Variants in TNK2 observed in about 807,000 individuals in gnomAD.
TNK2 encodes the protein tyrosine kinase non receptor 2.
In TNK2, 83 loss-of-function variants were observed where a neutral mutation model predicts 101.8. The observed-to-expected ratio is 0.82, with a 90% CI of 0.68 to 0.98. The LOEUF (loss-of-function observed/expected upper bound fraction) is 0.98. Ranked by LOEUF, TNK2 falls within the 50% of genes least tolerant of loss-of-function variation. The pLI, the probability that TNK2 is intolerant of heterozygous loss-of-function variation, is 0.00. For synonymous variants in TNK2, 804 were observed against 633.0 expected (o/e 1.27, Z -4.06); for missense variants, 1,665 against 1,483.2 (o/e 1.12, Z -2.01).
In TNK2 at chr3:195,867,826, G is replaced by C. The variant is rs570333707; in HGVS notation, c.2472C>G (p.Ser824Arg). The C allele has an allele frequency of 5.2e-6, 8 of 1,542,736 alleles. No individual in the cohort carries two copies. The South Asian group carries it at 1.0e-4, about 19-fold the overall frequency. Residue 824 changes from serine (S) to arginine (R), a missense_variant, in exon 13 of 16, where the codon AGC becomes AGG. Ser to Arg is a moderately radical substitution (Grantham distance 110, BLOSUM62 -1). Coordinates refer to ENST00000672887, the MANE Select transcript of TNK2 (RefSeq NM_001382273.1). ...TGGTGGGCATGGTCTTCCCAGGTGA[G>C]CTTGAGAGCCGGGGTGGCAGCGGGG... ...GSSPLPPRLS[S>R]SPGKTMPTTQ...
intron 1 of TNK2, among the ~76,000 whole-genome samples, chr3:195,904,325 T>G (rs569581604): frequency 6.6e-6 from 1 of 151,758 alleles, no homozygotes; most frequent in Admixed American, 6.6e-5. Flanking sequence ...AGTGGTATAT[T>G]CATACAATAG....
At chr3:195,898,100 G>T (rs1760831278) in intron 1 of TNK2, among the ~76,000 whole-genome samples, 1 of 151,824 alleles carries the variant, frequency 6.6e-6, no homozygotes. Context: ...CTCTGCTTCT[G>T]CGCTCCTGTA....
rs1469907241 is a variant in TNK2 at position 195,863,852 on chromosome 3, C to A, written c.*329G>T. On this transcript the variant is annotated 3_prime_UTR_variant, in exon 16 of 16. Transcript: ENST00000672887. ...CAGGGCAGGGCCTGGGGGTACTACT[C>A]CACCCACAGGCCCCGCCCAGGACCA... is the stretch of plus-strand genomic sequence containing the variant. The A allele has an allele frequency of 1.1e-5, 4 of 352,384 alleles. No homozygotes were observed. Among genetic ancestry groups the A allele is most frequent in the East Asian group, 4.5e-5 (1 of 22,284 alleles). The allele number at this position is 352,384 out of a possible 1,614,324, so 21.8% of individuals were successfully genotyped here.
rs1029998441 is a variant in TNK2, at chr3:195,863,846, A to T, written c.*335T>A. 5.1e-5 allele frequency: 16 copies of T among 316,500 alleles called. No individual in the cohort carries two copies. Among genetic ancestry groups the T allele is most frequent in the East Asian group, 4.2e-4 (8 of 19,126 alleles). 19.6% of individuals were successfully genotyped at this position (316,500 alleles called of 1,614,324 possible). Reference sequence around the variant, plus strand: ...GTCACCCAGGGCAGGGCCTGGGGGTACTACTCCACCCACAGGCCCCGCCCA... The same window carrying T: ...GTCACCCAGGGCAGGGCCTGGGGGTTCTACTCCACCCACAGGCCCCGCCCA... On this transcript the variant is annotated 3_prime_UTR_variant, in exon 16 of 16. Coordinates refer to ENST00000672887, the MANE Select transcript of TNK2 (RefSeq NM_001382273.1).
chr3:195,893,624 C>A lies in TNK2; in HGVS notation c.-18-5018G>T, dbSNP rs534382145. ...TCTCTCTGGCCCTCCTCAAAGGGTG[C>A]CAGCTGCTCTTACACCCCCCTCGCT... On this transcript the variant is annotated intron_variant, in intron 1 of 15. Transcript: ENST00000672887. 2.5e-4 allele frequency among the ~76,000 whole-genome samples: 38 copies of A among 149,052 alleles called. No homozygotes were observed. In the South Asian group the frequency reaches 7.5e-3, roughly 29 times the overall value.
chr3:195,869,678 C>A, intron 11 of TNK2, 137 bp from the exon 12 acceptor site: 2 of 913,994 alleles, frequency 2.2e-6, no homozygotes, highest in South Asian at 1.5e-5. Flanking sequence ...AATGTACAAG[C>A]CCCCAGCAAA....
chr3:195,868,821 C>T, intron 12 of TNK2, 112 bp from the exon 13 acceptor site: 2 of 1,291,420 alleles, frequency 1.5e-6, no homozygotes, highest in Non-Finnish European at 2.0e-6. Context: ...CCCTCCACTC[C>T]CAACTCCCCC....
At position 195,884,143 on chromosome 3, in the gene TNK2, C is replaced by G. The variant is rs1480511090; in HGVS notation, c.456+669G>C. The G allele has an allele frequency of 3.3e-5, 5 of 152,064 alleles. No homozygotes were observed. In the East Asian group the frequency reaches 9.6e-4, roughly 29 times the overall value. The allele number at this position is 152,064 out of a possible 1,614,324, so 9.4% of individuals were successfully genotyped here. On this transcript the variant is annotated intron_variant, in intron 4 of 15. Coordinates refer to ENST00000672887, the MANE Select transcript of TNK2 (RefSeq NM_001382273.1). ...GAGGGGAAAATGTTAAATGCAACGCCGAGAAGAAAGAACAAGATTTTAAAA... is the reference window on the plus strand; with the variant it reads ...GAGGGGAAAATGTTAAATGCAACGCGGAGAAGAAAGAACAAGATTTTAAAA...
At chr3:195,865,122 C>G (rs1464694269) in intron 15 of TNK2, among the ~76,000 whole-genome samples, 8 of 135,688 alleles carry the variant, frequency 5.9e-5, no homozygotes, top group Non-Finnish European at 1.1e-4. Context: ...GAGACAGTGA[C>G]AGACAGGTGA....
chr3:195,872,202 C>A, intron 10 of TNK2, 74 bp downstream of exon 10: 1 of 1,529,510 alleles, frequency 6.5e-7, no homozygotes, highest in Middle Eastern at 1.8e-4. Context: ...CAGATTCCGC[C>A]CACGCGTGCC....
Position 195,868,389 on chromosome 3 carries a change from C to T in TNK2, c.1909G>A (p.Val637Met). ...LPRPLHPTPV[V>M]DWDARPLPPP... ...GGCAGCGGGCGTGCGTCCCAGTCCA[C>T]CACAGGCGTGGGGTGCAGGGGCCGG... is the stretch of plus-strand genomic sequence containing the variant. The change falls in exon 13 of 16, where the codon GTG (valine) becomes ATG (methionine). Residue 637 changes from valine to methionine, a missense_variant. Physicochemically the swap from Val to Met is conservative, Grantham distance 21 (BLOSUM62 1). Coordinates refer to ENST00000672887, the MANE Select transcript of TNK2 (RefSeq NM_001382273.1). 6.3e-7 allele frequency: 1 copy of T among 1,590,248 alleles called. No individual in the cohort carries two copies. Among genetic ancestry groups the T allele is most frequent in the Non-Finnish European group, 8.5e-7 (1 of 1,174,122 alleles).
intron 9 of TNK2, chr3:195,876,511 G>C (rs1483063160): frequency 2.2e-6 from 1 of 456,816 alleles, no homozygotes; most frequent in East Asian, 6.9e-5. Context: ...TTCAGGGACT[G>C]AAGAAACAAG....
rs1369777134 is a variant in TNK2 at position 195,888,514 on chromosome 3, C to A, written c.75G>T (p.Arg25=). 4 of 1,613,570 alleles carry A rather than the reference C, an allele frequency of 2.5e-6. No homozygotes were observed. Among genetic ancestry groups the A allele is most frequent in the Non-Finnish European group, 3.4e-6 (4 of 1,180,006 alleles). The change falls in exon 2 of 16, where the codon CGG becomes CGT. Residue 25 remains arginine (R), a synonymous_variant. Transcript: ENST00000672887. The surrounding 1 kb of genome is among the most constrained non-coding windows in gnomAD (Gnocchi z 5.3). ...SEVQLQQYFL[R]LRDDLNVTRL... is the part of the protein sequence containing the mutation. ...GGGTGACGTTGAGGTCATCTCGGAG[C>A]CGCAGGAAGTACTGTTGCAGCTGCA...
intron 1 of TNK2, among the ~76,000 whole-genome samples, chr3:195,893,261 C>G (rs1759319012): frequency 3.3e-5 from 5 of 151,774 alleles, no homozygotes; most frequent in Middle Eastern, 3.4e-3. Context: ...TACCCTGGTG[C>G]CCGACGGAAA....
chr3:195,896,776 AC>A (rs1318219117), intron 1 of TNK2: 1 of 151,724 alleles, frequency 6.6e-6, no homozygotes, highest in Non-Finnish European at 1.5e-5. Context: ...CCACGTGTAC[AC>A]CCCCTCTGCT....
intron 1 of TNK2, chr3:195,896,194 T>C (rs1292122486): frequency 9.1e-6 from 4 of 440,106 alleles, no homozygotes; most frequent in Non-Finnish European, 1.8e-5. Context: ...AGGCTCTTCC[T>C]CTCCCCCGGG....
At chr3:195,864,252 G>A (rs368131469) in intron 15 of TNK2, 65 bp from the exon 16 acceptor site, 673 of 1,597,874 alleles carry the variant, frequency 4.2e-4, no homozygotes, top group Non-Finnish European at 5.2e-4. Context: ...GGCAGGCACC[G>A]GGGGTCACAC....
intron 1 of TNK2, chr3:195,892,566 G>T: frequency 6.7e-7 from 1 of 1,495,588 alleles, no homozygotes; most frequent in African/African-American, 1.4e-5. Context: ...CTCTGCCCAG[G>T]AGCCCCCCAA....
intron 12 of TNK2, chr3:195,869,228 ACACTCGT>A (rs1743087050): frequency 3.4e-6 from 2 of 589,532 alleles, no homozygotes; most frequent in East Asian, 5.6e-5. Context: ...AGCCAGGGCC[ACACTCGT>A]GCTCCAGAAG....
Sources: allele counts gnomAD v4.1 joint callset (sites outside exome capture counted in the v4.1 genomes callset), GRCh38; gene constraint gnomAD v4.1.1; non-coding constraint Gnocchi (gnomAD v3.1); transcripts MANE v1.5; gene names NCBI Gene and HGNC (gene_info 2026-07-23, HGNC 2026-07-21).